The following MTG1 variants were observed in gnomAD, a reference collection of about 807,000 sequenced individuals.
MTG1 encodes the protein mitochondrial ribosome-associated GTPase 1.
In MTG1, 30 loss-of-function variants were observed where a neutral mutation model predicts 39.5. That is an observed-to-expected ratio of 0.76 (90% CI 0.57 to 1.03). The LOEUF (loss-of-function observed/expected upper bound fraction) is 1.03, where lower values mean the gene tolerates loss of function less well. Ranked by LOEUF, MTG1 falls within the 50% of genes least tolerant of loss-of-function variation. The pLI, the probability that MTG1 is intolerant of heterozygous loss-of-function variation, is 0.00. For synonymous variants in MTG1, 217 were observed against 179.0 expected (o/e 1.21, Z -1.69); for missense variants, 513 against 447.4 (o/e 1.15, Z -1.32).
Position 133,399,171 on chromosome 10 carries a change from T to A in MTG1, c.365T>A (p.Ile122Asn). The A allele has an allele frequency of 6.2e-7, 1 of 1,614,124 alleles. No individual in the cohort carries two copies. The highest frequency in any genetic ancestry group is 8.5e-7 in the Non-Finnish European group (1 of 1,180,014). Residue 122 changes from isoleucine to asparagine, a missense_variant and splice_region_variant, in exon 5 of 11, where the codon ATC (isoleucine) becomes AAC (asparagine). By Grantham distance (149) the Ile-to-Asn change is moderately radical. Transcript: ENST00000317502. Reference sequence around the variant, plus strand: ...TCCATGAGTGGGTGTTTGTTGCAGATCATCCCGATGGTCACTGAACTGATT... The same window carrying A: ...TCCATGAGTGGGTGTTTGTTGCAGAACATCCCGATGGTCACTGAACTGATT... ...NCVKDENVKQ[I>N]IPMVTELIGR...
At chr10:133,418,298 T>C (rs961453068) in intron 9 of MTG1, among the ~76,000 whole-genome samples, 56 of 152,260 alleles carry the variant, frequency 3.7e-4, no homozygotes, top group African/African-American at 1.3e-3. Flanking sequence ...TGAGCCACCA[T>C]GCCTGGCTGG....
At chr10:133,419,111 C>T (rs1421500613) in intron 9 of MTG1, among the ~76,000 whole-genome samples, 1 of 152,202 alleles carries the variant, frequency 6.6e-6, no homozygotes, top group East Asian at 1.9e-4. Flanking sequence ...TTTTAGTTTC[C>T]AGGACCTGGG....
At chr10:133,401,275 G>T in intron 6 of MTG1, 1 of 403,192 alleles carries the variant, frequency 2.5e-6, no homozygotes, top group Non-Finnish European at 4.4e-6. Context: ...GGCTTGGAAA[G>T]TGCCCTTGCT....
chr10:133,415,259 A>G (rs1016099900), intron 9 of MTG1, among the ~76,000 whole-genome samples: 3 of 152,088 alleles, frequency 2.0e-5, no homozygotes, highest in Non-Finnish European at 4.4e-5. Flanking sequence ...CGGGTCCTGC[A>G]CTCATTTCTT....
At chr10:133,416,554 T>G (rs1363622122) in intron 9 of MTG1, among the ~76,000 whole-genome samples, 1 of 78,698 alleles carries the variant, frequency 1.3e-5, no homozygotes, top group Non-Finnish European at 2.3e-5. Context: ...CCCTCCCCCC[T>G]CCCCCCACCC....
At position 133,420,026 on chromosome 10, in the gene MTG1, G is replaced by C; in HGVS notation, c.866G>C (p.Gly289Ala). ...CTCACTGAACCCTCCCGTCCCCCAG[G>C]TAACGTGAACATTATTCAGCCTAAC... ...TQKVKVLTGT[G>A]NVNIIQPNYP... The change falls in exon 11 of 11, where the codon GGT becomes GCT. Residue 289 changes from glycine (G) to alanine (A), a missense_variant and splice_region_variant. Coordinates refer to ENST00000317502, the MANE Select transcript of MTG1 (RefSeq NM_138384.4). The C allele has an allele frequency of 6.2e-7, 1 of 1,607,572 alleles. No individual in the cohort carries two copies. Among genetic ancestry groups the C allele is most frequent in the Non-Finnish European group, 8.5e-7 (1 of 1,176,104 alleles).
intron 7 of MTG1, 171 bp downstream of exon 7, chr10:133,401,761 C>T (rs766475656): frequency 3.6e-5 from 26 of 730,028 alleles, no homozygotes; most frequent in Admixed American, 1.6e-4. Context: ...ATTCCACAGT[C>T]GTCATAGTCT....
At chr10:133,401,367 T>TA (rs1446724883) in intron 6 of MTG1, 162 bp from the exon 7 acceptor site, 13 of 556,728 alleles carry the variant, frequency 2.3e-5, no homozygotes, top group African/African-American at 2.3e-4. Flanking sequence ...TTTGGCCAGA[T>TA]ATGTTTGTTA....
chr10:133,403,680 A>G (rs1849921784), intron 9 of MTG1, among the ~76,000 whole-genome samples: 1 of 152,062 alleles, frequency 6.6e-6, no homozygotes, highest in Non-Finnish European at 1.5e-5. Flanking sequence ...CCGTTGATGG[A>G]TATGTGGGTT....
chr10:133,402,056 A>T lies in MTG1; in HGVS notation c.574-93A>T. On this transcript the variant is annotated intron_variant, in intron 7 of 10. Transcript: ENST00000317502. The surrounding 1 kb of genome is among the most constrained non-coding windows in gnomAD (Gnocchi z 4.7). ...GGGTCCCTGAGGCCTTCCTCGGAGC[A>T]TTGGGTGCCAGGGGCTGCCCAGGCT... 1 of 1,500,522 alleles carries T rather than the reference A, an allele frequency of 6.7e-7. No individual in the cohort carries two copies. The highest frequency in any genetic ancestry group is 9.2e-7 in the Non-Finnish European group (1 of 1,085,182). The allele number at this position is 1,500,522 out of a possible 1,614,324, so 93.0% of individuals were successfully genotyped here. A position where few individuals can be genotyped will look rare whatever the true frequency, so the allele number is the denominator to read the frequency against.
At chr10:133,404,446 A>G (rs1849939688) in intron 9 of MTG1, among the ~76,000 whole-genome samples, 1 of 150,708 alleles carries the variant, frequency 6.6e-6, no homozygotes, top group South Asian at 2.1e-4. Context: ...TTTCTAATAT[A>G]TTCTGGATAC....
At chr10:133,398,585 T>A (rs781430469) in intron 4 of MTG1, 70 bp downstream of exon 4, 10 of 1,509,160 alleles carry the variant, frequency 6.6e-6, no homozygotes, top group African/African-American at 1.4e-5. Context: ...ATAAACTGTT[T>A]TATGCTTTAG....
At position 133,398,500 on chromosome 10, in the gene MTG1, T is replaced by G. The variant is rs1849821466; in HGVS notation, c.348T>G (p.Asp116Glu). 6.2e-7 allele frequency: 1 copy of G among 1,613,580 alleles called. No homozygotes were observed. Among genetic ancestry groups the G allele is most frequent in the African/African-American group, 1.3e-5 (1 of 74,886 alleles). The change falls in exon 4 of 11, where the codon GAT becomes GAG. Residue 116 changes from aspartate to glutamate, a missense_variant. By Grantham distance (45) the Asp-to-Glu change is conservative. Transcript: ENST00000317502. ...TCATTTTTACCAACTGTGTAAAGGA[T>G]GAAAATGTCAAGCAGGTAGGCTTTT... The part of the protein sequence containing the change: ...KNVIFTNCVK[D>E]ENVKQIIPMV...
intron 4 of MTG1, 66 bp downstream of exon 4, chr10:133,398,581 T>A: frequency 6.6e-7 from 1 of 1,512,366 alleles, no homozygotes; most frequent in Non-Finnish European, 9.0e-7. Context: ...CATTATAAAC[T>A]GTTTTATGCT....
At position 133,402,116 on chromosome 10, in the gene MTG1, C is replaced by T. The variant is rs756101879; in HGVS notation, c.574-33C>T. 9.0e-5 allele frequency: 145 copies of T among 1,613,130 alleles called. No homozygotes were observed. Among genetic ancestry groups the T allele is most frequent in the East Asian group, 1.1e-4 (5 of 44,856 alleles). On this transcript the variant is annotated intron_variant, in intron 7 of 10. Coordinates refer to ENST00000317502, the MANE Select transcript of MTG1 (RefSeq NM_138384.4). The surrounding 1 kb of genome is among the most constrained non-coding windows in gnomAD (Gnocchi z 4.7). ...GCCCACCTGGGTGGGAGGCTGCCAC[C>T]GCGGCCTGATCATGCCCTCTGTGCC...
chr10:133,408,186 G>T (rs938070459), intron 9 of MTG1, among the ~76,000 whole-genome samples: 1 of 152,162 alleles, frequency 6.6e-6, no homozygotes, highest in Non-Finnish European at 1.5e-5. Flanking sequence ...TCAATATACT[G>T]TTGGCTGTGG....
At chr10:133,408,618 C>T (rs1021034219) in intron 9 of MTG1, among the ~76,000 whole-genome samples, 3 of 152,130 alleles carry the variant, frequency 2.0e-5, no homozygotes, top group African/African-American at 7.2e-5. Context: ...AGTTTGAGTA[C>T]AGTTGATACT....
intron 9 of MTG1, among the ~76,000 whole-genome samples, chr10:133,412,625 C>G (rs1183395014): frequency 1.3e-5 from 2 of 151,936 alleles, no homozygotes; most frequent in African/African-American, 4.8e-5. Context: ...TTTTTTTGTT[C>G]CTGATCTAAG....
chr10:133,397,623 C>T (rs1273704000), intron 3 of MTG1, among the ~76,000 whole-genome samples: 5 of 151,860 alleles, frequency 3.3e-5, no homozygotes, highest in Non-Finnish European at 5.9e-5. Context: ...GGACTACAGG[C>T]GCCCGCCACC....
Sources: allele counts gnomAD v4.1 joint callset (sites outside exome capture counted in the v4.1 genomes callset), GRCh38; gene constraint gnomAD v4.1.1; non-coding constraint Gnocchi (gnomAD v3.1); transcripts MANE v1.5; gene names NCBI Gene and HGNC (gene_info 2026-07-23, HGNC 2026-07-21).